The following NPAS3 variants were observed in gnomAD, a reference collection of about 807,000 sequenced individuals.
NPAS3 encodes neuronal PAS domain protein 3, also known as neuronal PAS domain-containing protein 3.
NPAS3 carries 14 observed loss-of-function variants against 73.1 expected under a neutral mutation model. The ratio of observed to expected loss-of-function variants is 0.19; its 90% CI spans 0.13 to 0.30. The LOEUF (loss-of-function observed/expected upper bound fraction) is 0.30. NPAS3 is among the 10% of genes least tolerant of loss of function. The probability of loss-of-function intolerance (pLI) is 1.00; values close to 1 mark genes in which losing one functional copy is unlikely to be tolerated. For synonymous variants in NPAS3, 620 were observed against 541.5 expected (o/e 1.14, Z -2.01); for missense variants, 1,096 against 1,250.0 (o/e 0.88, Z 1.86).
At chr14:33,419,959 T>G (rs1247784985) in intron 4 of NPAS3, among the ~76,000 whole-genome samples, 1 of 151,938 alleles carries the variant, frequency 6.6e-6, no homozygotes, top group Non-Finnish European at 1.5e-5. Context: ...TCCAAGTTAC[T>G]TTTTTTGAAC....
intron 5 of NPAS3, among the ~76,000 whole-genome samples, chr14:33,622,172 G>C (rs980291744): frequency 6.6e-6 from 1 of 151,966 alleles, no homozygotes; most frequent in Non-Finnish European, 1.5e-5. Context: ...ATTACCAGTC[G>C]GTTCTAAGAG....
At chr14:33,331,425 A>G (rs1305496833) in intron 3 of NPAS3, among the ~76,000 whole-genome samples, 1 of 152,204 alleles carries the variant, frequency 6.6e-6, no homozygotes, top group Non-Finnish European at 1.5e-5. Flanking sequence ...TACCATGAAA[A>G]TAATATGGTG....
chr14:33,221,249 A>G (rs534868495), intron 3 of NPAS3, among the ~76,000 whole-genome samples: 1 of 152,304 alleles, frequency 6.6e-6, no homozygotes, highest in East Asian at 1.9e-4. Context: ...CAGAACTGTC[A>G]TGGTGTCATT....
chr14:33,416,765 A>T (rs2048165046), intron 4 of NPAS3, among the ~76,000 whole-genome samples: 1 of 152,060 alleles, frequency 6.6e-6, no homozygotes. Flanking sequence ...GATGAAAAAA[A>T]TGAAACCGAT....
At chr14:33,742,791 A>G (rs1002594781) in intron 7 of NPAS3, among the ~76,000 whole-genome samples, 29 of 152,220 alleles carry the variant, frequency 1.9e-4, no homozygotes, top group African/African-American at 7.0e-4. Context: ...TCAAACCCTT[A>G]TCAATTAACT....
intron 3 of NPAS3, among the ~76,000 whole-genome samples, chr14:33,249,353 T>C (rs1469215337): frequency 1.7e-5 from 1 of 60,320 alleles, no homozygotes; most frequent in Non-Finnish European, 3.3e-5. Context: ...CCCCCACCTT[T>C]TTTTTTTTTT....
chr14:33,400,994 C>A (rs1163302942), intron 4 of NPAS3, among the ~76,000 whole-genome samples: 1 of 151,952 alleles, frequency 6.6e-6, no homozygotes, highest in Non-Finnish European at 1.5e-5. Context: ...AAAGGAGTAG[C>A]CGTGTTAGAT....
chr14:33,802,667 A>T (rs369067949), downstream of NPAS3: 1 of 152,194 alleles, frequency 6.6e-6, no homozygotes, highest in Non-Finnish European at 1.5e-5. Context: ...CCTTTGTCTT[A>T]TCTGTGCTCT....
At chr14:33,501,903 AC>A (rs2139920986) in intron 4 of NPAS3, among the ~76,000 whole-genome samples, 1 of 152,090 alleles carries the variant, frequency 6.6e-6, no homozygotes, top group East Asian at 1.9e-4. Context: ...TCTCTGGAGC[AC>A]ATTTATACGT....
Position 33,602,486 on chromosome 14 carries a change from C to T in NPAS3, c.558+42276C>T, listed in dbSNP as rs146733028. Among the ~76,000 whole-genome samples the T allele has an allele frequency of 1.1e-3, 168 of 152,288 alleles. 1 individual carries two copies. The highest frequency in any genetic ancestry group is 3.9e-3 in the African/African-American group (164 of 41,568). Reference sequence around the variant, plus strand: ...ACACAGCACATTCAAGCACTAGGAACGATACTTTACTCAGTCCCTCATGGT... The same window carrying T: ...ACACAGCACATTCAAGCACTAGGAATGATACTTTACTCAGTCCCTCATGGT... On this transcript the variant is annotated intron_variant, in intron 5 of 11. Transcript: ENST00000356141.
At chr14:33,317,122 A>G (rs1427947407) in intron 3 of NPAS3, among the ~76,000 whole-genome samples, 3 of 152,068 alleles carry the variant, frequency 2.0e-5, no homozygotes, top group Non-Finnish European at 4.4e-5. Context: ...AGAAAACATA[A>G]TAATGGGGAG....
intron 2 of NPAS3, among the ~76,000 whole-genome samples, chr14:33,180,692 A>G (rs2383447): frequency 0.24 from 36,702 of 149,868 alleles, 4,931 homozygotes; most frequent in East Asian, 0.5. Context: ...CCAGCTACTC[A>G]GGAGGCTGAG....
chr14:33,197,616 A>C (rs932532088), intron 2 of NPAS3, among the ~76,000 whole-genome samples: 2 of 152,224 alleles, frequency 1.3e-5, no homozygotes, highest in Admixed American at 6.5e-5. Flanking sequence ...TCAAAACCCA[A>C]ACCCTAAAGC....
chr14:33,230,494 CTCA>C (rs2047808438), intron 3 of NPAS3, among the ~76,000 whole-genome samples: 1 of 152,126 alleles, frequency 6.6e-6, no homozygotes, highest in Non-Finnish European at 1.5e-5. Context: ...TGATAGAATC[CTCA>C]TCTTTTATTT....
chr14:33,524,894 A>G (rs759287087), intron 4 of NPAS3, among the ~76,000 whole-genome samples: 62 of 152,092 alleles, frequency 4.1e-4, no homozygotes, highest in African/African-American at 5.6e-4. Flanking sequence ...TTCTTTTTAT[A>G]TAGAAACAGT....
chr14:33,591,791 G>T (rs557329424), intron 5 of NPAS3, among the ~76,000 whole-genome samples: 104 of 152,254 alleles, frequency 6.8e-4, no homozygotes, highest in African/African-American at 2.4e-3. Flanking sequence ...TGAGGGAAAC[G>T]TATGTAACAT....
intron 5 of NPAS3, among the ~76,000 whole-genome samples, chr14:33,656,652 A>G (rs2059153375): frequency 2.0e-5 from 3 of 152,196 alleles, no homozygotes; most frequent in Admixed American, 1.3e-4. Flanking sequence ...GAACTTAGTG[A>G]ACTGAGGTTA....
intron 2 of NPAS3, among the ~76,000 whole-genome samples, chr14:33,198,678 C>G (rs2046479563): frequency 6.6e-6 from 1 of 152,254 alleles, no homozygotes; most frequent in Non-Finnish European, 1.5e-5. Context: ...CTGGTTTCCC[C>G]TAGTGGATCC....
Position 33,618,500 on chromosome 14 carries a change from C to T in NPAS3, c.559-57711C>T, listed in dbSNP as rs184625811. Among the ~76,000 whole-genome samples, 550 of 152,148 alleles carry T rather than the reference C, an allele frequency of 3.6e-3. 1 individual carries two copies. Among genetic ancestry groups the T allele is most frequent in the Non-Finnish European group, 5.7e-3 (391 of 68,012 alleles). On this transcript the variant is annotated intron_variant, in intron 5 of 11. Coordinates refer to ENST00000356141, the Ensembl canonical transcript of NPAS3. ...CTCCTATGAAGATCTAAAGCTGCTG[C>T]TGATCTGACAGGAGGTGGAGCTCAG... is the stretch of plus-strand genomic sequence containing the variant.
Sources: gnomAD v4.1 joint callset for allele counts (sites outside exome capture counted in the v4.1 genomes callset) on GRCh38, gnomAD v4.1.1 for gene constraint, MANE v1.5 for transcripts, NCBI Gene and HGNC (gene_info 2026-07-23, HGNC 2026-07-21) for gene names.